The following PIGG variants were observed in gnomAD, a reference collection of about 807,000 sequenced individuals.
PIGG encodes the protein phosphatidylinositol glycan anchor biosynthesis class G (EMM blood group).
Under a neutral mutation model 83.2 loss-of-function variants are expected in PIGG, and 70 were observed. The observed-to-expected ratio is 0.84, with a 90% CI of 0.69 to 1.03. The LOEUF (loss-of-function observed/expected upper bound fraction) is 1.03, where lower values mean the gene tolerates loss of function less well. Among genes scored for constraint, PIGG ranks in the 50% least tolerant of loss-of-function variants. PIGG has a pLI of 0.00. For missense variants in PIGG, 1,257 were observed against 1,233.6 expected (o/e 1.02, Z -0.28); for synonymous variants, 532 against 519.5 (o/e 1.02, Z -0.33).
In PIGG at chr4:523,554, C is replaced by T. The variant is rs748412591; in HGVS notation, c.1710C>T (p.Phe570=). ...TCTTGAGCCTGGGCGCCAGCAGCTTCGTGGAGGAGGAGCACCAGACCTGGT... is the reference window on the plus strand; with the variant it reads ...TCTTGAGCCTGGGCGCCAGCAGCTTTGTGGAGGAGGAGCACCAGACCTGGT... The part of the protein sequence containing the change: ...GHVLSLGASS[F]VEEEHQTWYF... The change falls in exon 9 of 13, where the codon TTC becomes TTT. Residue 570 remains phenylalanine (F), a synonymous_variant. Transcript: ENST00000453061. 8 of 1,614,008 alleles carry T rather than the reference C, an allele frequency of 5.0e-6. No homozygotes were observed. In the African/African-American group the frequency reaches 5.3e-5, roughly 11 times the overall value.
rs1560312731 is a variant in PIGG at position 516,074 on chromosome 4, C to G, written c.1003C>G (p.Leu335Val). The stretch of plus-strand genomic sequence containing the variant: ...TCCAAAAGACAGTGTAGGGAGCCTC[C>G]TATTCCCAGTTGTGGAAGGAAGACC... ...PIPKDSVGSLLFPVVEGRPMR... is the reference protein window; with the variant it reads ...PIPKDSVGSLVFPVVEGRPMR... Residue 335 changes from leucine (L) to valine (V), a missense_variant, in exon 6 of 13, where the codon CTA (leucine) becomes GTA (valine). Transcript: ENST00000453061. The G allele has an allele frequency of 5.6e-6, 9 of 1,613,754 alleles. No homozygotes were observed. Among genetic ancestry groups the G allele is most frequent in the Non-Finnish European group, 7.6e-6 (9 of 1,179,776 alleles).
chr4:523,190 C>T (rs1286006271), intron 8 of PIGG, among the ~76,000 whole-genome samples: 2 of 152,188 alleles, frequency 1.3e-5, no homozygotes, highest in African/African-American at 2.4e-5. Context: ...GACTTGGAGT[C>T]CAGTGTGAGA....
rs1731646631 is a variant in PIGG at position 540,003 on chromosome 4, A to C, written c.*634A>C. 6.6e-6 allele frequency: 1 copy of C among 152,152 alleles called. No individual in the cohort carries two copies. The highest frequency in any genetic ancestry group is 6.5e-5 in the Admixed American group (1 of 15,276). The allele number at this position is 152,152 out of a possible 1,614,324, so 9.4% of individuals were successfully genotyped here. A position where few individuals can be genotyped will look rare whatever the true frequency, so the allele number is the denominator to read the frequency against. ...AACATAGTGAGACCCTCATCTCTCC[A>C]AAAACTTCAAAAAATTAGCTGGGCG... On this transcript the variant is annotated 3_prime_UTR_variant, in exon 13 of 13. Coordinates refer to ENST00000453061, the MANE Select transcript of PIGG (RefSeq NM_001127178.3).
chr4:528,537 C>T lies in PIGG; in HGVS notation c.2261+1307C>T, dbSNP rs183780607. Reference sequence around the variant, plus strand: ...CTGAGGCAGTGAGAGTGTAGCAGGCCGTCATACGGGGCCGGGGCCTGGGGC... The same window carrying T: ...CTGAGGCAGTGAGAGTGTAGCAGGCTGTCATACGGGGCCGGGGCCTGGGGC... On this transcript the variant is annotated intron_variant, in intron 10 of 12. Transcript: ENST00000453061. The surrounding 1 kb of genome is among the most constrained non-coding windows in gnomAD (Gnocchi z 4.8). The T allele has an allele frequency of 8.1e-6, 8 of 985,060 alleles. 1 individual carries two copies. The South Asian group carries it at 1.4e-4, about 17-fold the overall frequency. The allele number at this position is 985,060 out of a possible 1,614,324, so 61.0% of individuals were successfully genotyped here.
rs74736335 is a variant in PIGG at position 528,270 on chromosome 4, T to C, written c.2261+1040T>C. ...TATATGAAAGACTACATACTTAAAATACTGGTGATTATATTTAGGACCTGA... is the reference window on the plus strand; with the variant it reads ...TATATGAAAGACTACATACTTAAAACACTGGTGATTATATTTAGGACCTGA... On this transcript the variant is annotated intron_variant, in intron 10 of 12. Coordinates refer to ENST00000453061, the MANE Select transcript of PIGG (RefSeq NM_001127178.3). The surrounding 1 kb of genome is among the most constrained non-coding windows in gnomAD (Gnocchi z 4.8). 1,425 of 983,006 alleles carry C rather than the reference T, an allele frequency of 1.4e-3. 22 individuals carry two copies. In the African/African-American group the frequency reaches 0.024, roughly 16 times the overall value. 60.9% of individuals were successfully genotyped at this position (983,006 alleles called of 1,614,324 possible).
Position 524,053 on chromosome 4 carries a change from A to G in PIGG, c.2069+140A>G, listed in dbSNP as rs1053811537. On this transcript the variant is annotated intron_variant, in intron 9 of 12. Coordinates refer to ENST00000453061, the MANE Select transcript of PIGG (RefSeq NM_001127178.3). The stretch of plus-strand genomic sequence containing the variant: ...TTGAGATCTGAAGAATTGGGAAAAT[A>G]CACTAAAACCAGTGTTTTACTGGAT... 2.0e-5 allele frequency: 12 copies of G among 606,992 alleles called. No homozygotes were observed. In the African/African-American group the frequency reaches 2.0e-4, roughly 10 times the overall value. 37.6% of individuals were successfully genotyped at this position (606,992 alleles called of 1,614,324 possible).
In PIGG at chr4:526,216, G is replaced by A. The variant is rs149359787; in HGVS notation, c.2070-823G>A. ...ACAATCCTGAAGATTGTGTAAAAAC[G>A]CGTGCCATTTAAAAAGCAACAATAC... is the stretch of plus-strand genomic sequence containing the variant. On this transcript the variant is annotated intron_variant, in intron 9 of 12. Transcript: ENST00000453061. Among the ~76,000 whole-genome samples, 1,118 of 152,258 alleles carry A rather than the reference G, an allele frequency of 7.3e-3. 9 individuals carry two copies. The highest frequency in any genetic ancestry group is 0.012 in the Non-Finnish European group (806 of 68,020).
intron 1 of PIGG, 128 bp downstream of exon 1, chr4:499,617 C>A: frequency 1.4e-6 from 2 of 1,422,878 alleles, no homozygotes; most frequent in South Asian, 1.6e-5. Context: ...TGGTCCCCAC[C>A]TCAGAAATTT....
Position 503,694 on chromosome 4 carries a change from T to C in PIGG, c.361-2024T>C, listed in dbSNP as rs146176864. 2.6e-5 allele frequency among the ~76,000 whole-genome samples: 4 copies of C among 152,346 alleles called. No homozygotes were observed. The East Asian group carries it at 7.7e-4, about 29-fold the overall frequency. ...TGTACAGCTACACACTGGAATGCTC[T>C]GTAGCTGTTTGGAAAAAAGATAAAA... On this transcript the variant is annotated intron_variant, in intron 2 of 12. Coordinates refer to ENST00000453061, the MANE Select transcript of PIGG (RefSeq NM_001127178.3).
chr4:530,350 G>C, intron 10 of PIGG, 86 bp from the exon 11 acceptor site: 1 of 927,730 alleles, frequency 1.1e-6, no homozygotes, highest in Non-Finnish European at 1.7e-6. Flanking sequence ...GGTTCCCTGG[G>C]TAGATAGGTG....
chr4:500,569 A>C lies in PIGG; in HGVS notation c.328A>C (p.Lys110Gln). 6.2e-7 allele frequency: 1 copy of C among 1,611,326 alleles called. No individual in the cohort carries two copies. The highest frequency in any genetic ancestry group is 8.5e-7 in the Non-Finnish European group (1 of 1,177,400). ...GASHSFVAEA[K>Q]PPTVTMPRIK... ...ATCTCACAGTTTTGTGGCTGAAGCA[A>C]AGCCACCTACAGTTACTATGCCTCG... The change falls in exon 2 of 13, where the codon AAG becomes CAG. Residue 110 changes from lysine (K) to glutamine (Q), a missense_variant. By Grantham distance (53) the Lys-to-Gln change is moderately conservative. Coordinates refer to ENST00000453061, the MANE Select transcript of PIGG (RefSeq NM_001127178.3).
At chr4:499,530 C>T in intron 1 of PIGG, 41 bp downstream of exon 1, 1 of 1,556,178 alleles carries the variant, frequency 6.4e-7, no homozygotes, top group Non-Finnish European at 8.6e-7. Flanking sequence ...CCTGACCCCA[C>T]ATCCCCTAGA....
Position 521,108 on chromosome 4 carries a change from C to T in PIGG, c.1167C>T (p.Ile389=), listed in dbSNP as rs1453400174. The change falls in exon 7 of 13, where the codon ATC becomes ATT. Residue 389 remains isoleucine (I), a synonymous_variant. Coordinates refer to ENST00000453061, the MANE Select transcript of PIGG (RefSeq NM_001127178.3). Reference sequence around the variant, plus strand: ...CAGAAAGATTGCATGGGAACTGGATCAGACTGTACTTGGAGGAAAAGCATT... The same window carrying T: ...CAGAAAGATTGCATGGGAACTGGATTAGACTGTACTTGGAGGAAAAGCATT... ...KMSERLHGNW[I]RLYLEEKHSE... is the part of the protein sequence containing the mutation. 4.3e-6 allele frequency: 7 copies of T among 1,614,032 alleles called. No homozygotes were observed. Among genetic ancestry groups the T allele is most frequent in the African/African-American group, 4.0e-5 (3 of 74,922 alleles).
rs1728075165 is a variant in PIGG at position 527,815 on chromosome 4, T to A, written c.2261+585T>A. 3 of 985,308 alleles carry A rather than the reference T, an allele frequency of 3.0e-6. No individual in the cohort carries two copies. In the African/African-American group the frequency reaches 5.2e-5, roughly 17 times the overall value. The allele number at this position is 985,308 out of a possible 1,614,324, so 61.0% of individuals were successfully genotyped here. On this transcript the variant is annotated intron_variant, in intron 10 of 12. Coordinates refer to ENST00000453061, the MANE Select transcript of PIGG (RefSeq NM_001127178.3). ...ACTGTGTTTCTGATTTTAATTGTGT[T>A]GTGGTGGTGAACACAGGAGTGGGAT... is the stretch of plus-strand genomic sequence containing the variant.
Position 521,905 on chromosome 4 carries a change from GA to G in PIGG, c.1579del (p.Thr527ProfsTer24). On this transcript the variant is annotated frameshift_variant, in exon 8 of 13. Transcript: ENST00000453061. LOFTEE classifies it high-confidence loss of function. The stretch of plus-strand genomic sequence containing the variant: ...TGCTGTGTGTGATTGTGTCTGTTCT[GA>G]CCAACGTGCTCGTGGGTGGAAACAC... ...ALLCVIVSVLTNVLVGGNTPR... is the reference protein window; with the variant it reads ...ALLCVIVSVLXNVLVGGNTPR... 1 of 1,614,194 alleles carries G rather than the reference GA, an allele frequency of 6.2e-7. No homozygotes were observed. The highest frequency in any genetic ancestry group is 8.5e-7 in the Non-Finnish European group (1 of 1,180,034).
chr4:520,721 A>G (rs1206809049), intron 6 of PIGG, among the ~76,000 whole-genome samples: 1 of 152,238 alleles, frequency 6.6e-6, no homozygotes, highest in African/African-American at 2.4e-5. Context: ...GAGTGGAAAG[A>G]GACAGAACAG....
intron 3 of PIGG, among the ~76,000 whole-genome samples, chr4:506,359 G>A (rs1351858308): frequency 1.3e-5 from 2 of 152,206 alleles, no homozygotes; most frequent in African/African-American, 4.8e-5. Flanking sequence ...GAGGGCAGGT[G>A]GCCGACTGGG....
rs781619532 is a variant in PIGG at position 530,623 on chromosome 4, T to C, written c.2449T>C (p.Leu817=). 1.9e-6 allele frequency: 3 copies of C among 1,613,722 alleles called. No homozygotes were observed. In the African/African-American group the frequency reaches 4.0e-5, roughly 22 times the overall value. The change falls in exon 11 of 13, where the codon TTA becomes CTA. Residue 817 remains leucine, a synonymous_variant. Transcript: ENST00000453061. ...LLFRPHNLPV[L]AFSLLIQTLM... ...CTTTAGACCACATAATCTTCCGGTC[T>C]TAGCATTTAGCCTCTTGATTCAGAC...
intron 9 of PIGG, chr4:525,726 C>G (rs1014920699): frequency 6.6e-6 from 1 of 152,236 alleles, no homozygotes; most frequent in Non-Finnish European, 1.5e-5. Flanking sequence ...ACGAAAACCT[C>G]GGTTAGCCAA....
Sources: gnomAD v4.1 joint callset for allele counts (sites outside exome capture counted in the v4.1 genomes callset) on GRCh38, gnomAD v4.1.1 for gene constraint, Gnocchi (gnomAD v3.1) non-coding constraint, MANE v1.5 for transcripts, NCBI Gene and HGNC (gene_info 2026-07-23, HGNC 2026-07-21) for gene names.